Variants in MINDY1 observed in about 807,000 individuals in gnomAD.
MINDY1 encodes the protein MINDY lysine 48 deubiquitinase 1, also known as ubiquitin carboxyl-terminal hydrolase MINDY-1.
A neutral mutation model predicts 53.6 loss-of-function variants in MINDY1; 50 were observed. That is an observed-to-expected ratio of 0.93 (90% CI 0.74 to 1.18). The LOEUF (loss-of-function observed/expected upper bound fraction) is 1.18. MINDY1 is among the 50% of genes most tolerant of loss of function. The probability of loss-of-function intolerance (pLI) is 0.00; values close to 1 mark genes in which losing one functional copy is unlikely to be tolerated. For missense variants in MINDY1, 484 were observed against 578.6 expected, an observed-to-expected ratio of 0.84 and a Z score of 1.68; for synonymous variants, 231 against 234.7, an observed-to-expected ratio of 0.98 and a Z score of 0.14.
In MINDY1 at chr1:151,002,819, A is replaced by G; in HGVS notation, c.-89-113T>C. ...AGTGTTTGTGCAGTAACTCCTGGCT[A>G]TGGGCAGTATATGTGTAAACAGAAG... On this transcript the variant is annotated intron_variant, in intron 1 of 9. Coordinates refer to ENST00000683666, the MANE Select transcript of MINDY1 (RefSeq NM_001376665.1). This position sits in a 1 kb window ranked among gnomAD's most constrained non-coding sequence, Gnocchi z 4.1. 2 of 1,456,958 alleles carry G rather than the reference A, an allele frequency of 1.4e-6. No homozygotes were observed. The highest frequency in any genetic ancestry group is 1.8e-6 in the Non-Finnish European group (2 of 1,106,928). 90.3% of individuals were successfully genotyped at this position (1,456,958 alleles called of 1,614,324 possible). A position where few individuals can be genotyped will look rare whatever the true frequency, so the allele number is the denominator to read the frequency against.
chr1:151,001,447 C>A, intron 3 of MINDY1, 133 bp from the exon 4 acceptor site: 1 of 1,067,026 alleles, frequency 9.4e-7, no homozygotes. Context: ...GAGTCTAATC[C>A]AGACTCTTCA....
chr1:151,006,094 T>A, intron 1 of MINDY1: 1 of 1,551,700 alleles, frequency 6.4e-7, no homozygotes, highest in African/African-American at 1.4e-5. Context: ...CCTGTATACT[T>A]GCTCACAAGG....
Position 151,001,657 on chromosome 1 carries a change from G to A in MINDY1, c.511+68C>T, listed in dbSNP as rs917191059. 4 of 1,574,322 alleles carry A rather than the reference G, an allele frequency of 2.5e-6. No homozygotes were observed. The African/African-American group carries it at 5.4e-5, about 21-fold the overall frequency. Reference sequence around the variant, plus strand: ...CCAAATGGAGATCCCTGAATAGTCTGGATTTCTGGCTGAGTGGATAGCTCT... The same window carrying A: ...CCAAATGGAGATCCCTGAATAGTCTAGATTTCTGGCTGAGTGGATAGCTCT... On this transcript the variant is annotated intron_variant, in intron 3 of 9. Transcript: ENST00000683666.
chr1:151,004,235 T>C (rs1269159960), intron 1 of MINDY1, among the ~76,000 whole-genome samples: 3 of 151,920 alleles, frequency 2.0e-5, no homozygotes, highest in African/African-American at 7.2e-5. Flanking sequence ...CTCCAGGTCA[T>C]TTTAGATGTG....
intron 7 of MINDY1, 137 bp from the exon 8 acceptor site, chr1:150,998,410 A>G (rs1672106417): frequency 3.9e-6 from 3 of 776,508 alleles, no homozygotes; most frequent in African/African-American, 1.8e-5. Flanking sequence ...GCTGGAGTGC[A>G]GTGGCACAAT....
rs587667595 is a variant in MINDY1, at chr1:150,997,339, G to C, written c.1358C>G (p.Ala453Gly). 1 of 1,602,342 alleles carries C rather than the reference G, an allele frequency of 6.2e-7. No homozygotes were observed. Among genetic ancestry groups the C allele is most frequent in the Admixed American group, 1.7e-5 (1 of 59,296 alleles). Residue 453 changes from alanine (A) to glycine (G), a missense_variant, in exon 10 of 10, where the codon GCC becomes GGC. Coordinates refer to ENST00000683666, the MANE Select transcript of MINDY1 (RefSeq NM_001376665.1). ...QGRGATSGRP[A>G]GERRQRPKHE... ...CTTCGGCCTCTGCCGACGCTCCCCG[G>C]CTGGGCGTCCAGATGTGGCTCCTCT...
intron 7 of MINDY1, among the ~76,000 whole-genome samples, chr1:150,998,601 C>G (rs1672149217): frequency 6.6e-6 from 1 of 152,190 alleles, no homozygotes; most frequent in Non-Finnish European, 1.5e-5. Context: ...CATGATCTGC[C>G]CGCCTCGGCC....
In MINDY1 at chr1:151,000,625, G is replaced by GA. The variant is rs587683473; in HGVS notation, c.577-11dup. ...TTGCATCATCCACATTCTGGGGGTA[G>GA]AAAAAAAAATGATGGAGATTCTAGC... On this transcript the variant is annotated splice_polypyrimidine_tract_variant and intron_variant, in intron 4 of 9. Coordinates refer to ENST00000683666, the MANE Select transcript of MINDY1 (RefSeq NM_001376665.1). 2.3e-4 allele frequency: 364 copies of GA among 1,572,798 alleles called. No homozygotes were observed. The highest frequency in any genetic ancestry group is 8.4e-4 in the Admixed American group (44 of 52,654).
Position 151,006,773 on chromosome 1 carries a change from C to T in MINDY1, c.-551G>A. Reference sequence around the variant, plus strand: ...CTGCCCAGCGCTGGTGGATTTCCATCAGGACTTTCTGACCCGGTCAGCAGC... The same window carrying T: ...CTGCCCAGCGCTGGTGGATTTCCATTAGGACTTTCTGACCCGGTCAGCAGC... On this transcript the variant is annotated 5_prime_UTR_variant, in exon 1 of 10. Coordinates refer to ENST00000683666, the MANE Select transcript of MINDY1 (RefSeq NM_001376665.1). 1 of 985,618 alleles carries T rather than the reference C, an allele frequency of 1.0e-6. No individual in the cohort carries two copies. Among genetic ancestry groups the T allele is most frequent in the Non-Finnish European group, 1.2e-6 (1 of 830,066 alleles). The allele number at this position is 985,618 out of a possible 1,614,324, so 61.1% of individuals were successfully genotyped here.
In MINDY1 at chr1:151,006,787, C is replaced by A; in HGVS notation, c.-565G>T. 1.0e-6 allele frequency: 1 copy of A among 985,556 alleles called. No individual in the cohort carries two copies. The allele number at this position is 985,556 out of a possible 1,614,324, so 61.1% of individuals were successfully genotyped here. On this transcript the variant is annotated 5_prime_UTR_variant, in exon 1 of 10. Coordinates refer to ENST00000683666, the MANE Select transcript of MINDY1 (RefSeq NM_001376665.1). ...TGGATTTCCATCAGGACTTTCTGACCCGGTCAGCAGCTTTGTGATCAGCAG... is the reference window on the plus strand; with the variant it reads ...TGGATTTCCATCAGGACTTTCTGACACGGTCAGCAGCTTTGTGATCAGCAG...
At chr1:151,000,711 T>G (rs1377098108) in intron 4 of MINDY1, 96 bp from the exon 5 acceptor site, 12 of 1,347,662 alleles carry the variant, frequency 8.9e-6, no homozygotes, top group Non-Finnish European at 1.2e-5. Flanking sequence ...GCTGCTCTTC[T>G]TCCCTGATTC....
chr1:151,003,025 A>G (rs1672754256), intron 1 of MINDY1: 33 of 1,037,922 alleles, frequency 3.2e-5, no homozygotes, highest in Non-Finnish European at 3.7e-5. Flanking sequence ...GAGAGCACAA[A>G]GGAGAAAGAA....
In MINDY1 at chr1:150,997,605, C is replaced by CT; in HGVS notation, c.1329+18_1329+19insA. On this transcript the variant is annotated intron_variant, in intron 9 of 9. Transcript: ENST00000683666. ...ATGAGGTGGAAACCGGGAGTGTGGGCGCCCAGGCAGCAGCCCACCTGCAGT... is the reference window on the plus strand; with the variant it reads ...ATGAGGTGGAAACCGGGAGTGTGGGCTGCCCAGGCAGCAGCCCACCTGCAGT... 6.2e-7 allele frequency: 1 copy of CT among 1,604,716 alleles called. No individual in the cohort carries two copies. Among genetic ancestry groups the CT allele is most frequent in the Non-Finnish European group, 8.5e-7 (1 of 1,179,942 alleles).
chr1:150,997,579 C>T (rs781750145), intron 9 of MINDY1, 45 bp downstream of exon 9: 51 of 1,602,762 alleles, frequency 3.2e-5, no homozygotes, highest in Non-Finnish European at 4.1e-5. Flanking sequence ...CCCGGCAAAG[C>T]ATGAGGTGGA....
At position 151,004,756 on chromosome 1, in the gene MINDY1, TAAAATAAAATAAA is replaced by T. The variant is rs1428410283; in HGVS notation, c.-90+1543_-90+1555del. 1.6e-3 allele frequency among the ~76,000 whole-genome samples: 240 copies of T among 145,984 alleles called. 1 individual carries two copies. Among genetic ancestry groups the T allele is most frequent in the Middle Eastern group, 0.01 (3 of 288 alleles). On this transcript the variant is annotated intron_variant, in intron 1 of 9. Coordinates refer to ENST00000683666, the MANE Select transcript of MINDY1 (RefSeq NM_001376665.1). ...AAAAATAAAATAAAATAAAATAAAA[TAAAATAAAATAAA>T]ATAAAATAAAATAAAATAAATTAAA...
intron 1 of MINDY1, 159 bp downstream of exon 1, chr1:151,006,153 C>T: frequency 6.4e-7 from 1 of 1,551,672 alleles, no homozygotes; most frequent in Non-Finnish European, 8.7e-7. Flanking sequence ...GACCAAGCAG[C>T]ATCCCCTTTA....
chr1:151,008,117 T>C, upstream of MINDY1: 1 of 505,026 alleles, frequency 2.0e-6, no homozygotes, highest in Non-Finnish European at 2.6e-6. Flanking sequence ...AGAAAGAAGA[T>C]GATCTGTTTT....
At chr1:150,998,671 C>T (rs1472613115) in intron 7 of MINDY1, among the ~76,000 whole-genome samples, 1 of 152,180 alleles carries the variant, frequency 6.6e-6, no homozygotes, top group African/African-American at 2.4e-5. Context: ...GCATGCGGAC[C>T]TTTTACAAAT....
upstream of MINDY1, among the ~76,000 whole-genome samples, chr1:151,007,731 T>C (rs1052802518): frequency 3.9e-5 from 6 of 152,350 alleles, no homozygotes; most frequent in African/African-American, 1.4e-4. Context: ...GTACCTGCAC[T>C]ACTCTGCGGC....
Sources: allele counts gnomAD v4.1 joint callset (sites outside exome capture counted in the v4.1 genomes callset), GRCh38; gene constraint gnomAD v4.1.1; non-coding constraint Gnocchi (gnomAD v3.1); transcripts MANE v1.5; gene names NCBI Gene and HGNC (gene_info 2026-07-23, HGNC 2026-07-21).